The following PJA1 variants were observed in gnomAD, a reference collection of about 807,000 sequenced individuals.
The protein encoded by PJA1 is E3 ubiquitin-protein ligase Praja-1.
PJA1 carries 5 observed loss-of-function variants against 14.1 expected under a neutral mutation model. The observed-to-expected ratio is 0.35, with a 90% CI of 0.18 to 0.74. The LOEUF (loss-of-function observed/expected upper bound fraction) is 0.74. PJA1 is among the 30% of genes least tolerant of loss of function. The pLI is 0.56. For missense variants in PJA1, 394 were observed against 482.6 expected, an observed-to-expected ratio of 0.82 and a Z score of 1.72; for synonymous variants, 174 against 190.9, an observed-to-expected ratio of 0.91 and a Z score of 0.73.
chrX:69,163,176 T>A, intron 1 of PJA1, 36 bp from the exon 2 acceptor site: 1 of 1,210,951 alleles, frequency 8.3e-7, no homozygotes, highest in Non-Finnish European at 1.1e-6. Context: ...ACCTCCTACC[T>A]GTATTGGACT....
At position 69,163,007 on chromosome X, in the gene PJA1, TACG is replaced by T. The variant is rs1925125079; in HGVS notation, c.64_66del (p.Arg22del). The T allele has an allele frequency of 1.2e-5, 14 of 1,211,133 alleles. No individual in the cohort carries two copies. The highest frequency in any genetic ancestry group is 1.6e-5 in the Non-Finnish European group (14 of 895,466). On this transcript the variant is annotated inframe_deletion, in exon 2 of 2. Coordinates refer to ENST00000374571, the MANE Select transcript of PJA1 (RefSeq NM_001032396.4). ...CCCGAACTCTCGCTGTCGTCCCAAC[TACG>T]ACGAGTAGTGGAAAATGGCGATCGG... is the stretch of plus-strand genomic sequence containing the variant.
In PJA1 at chrX:69,161,315, G is replaced by A. The variant is rs1440498236; in HGVS notation, c.1759C>T (p.Pro587Ser). 1.7e-6 allele frequency: 2 copies of A among 1,172,152 alleles called. No homozygotes were observed. Among genetic ancestry groups the A allele is most frequent in the Admixed American group, 4.7e-5 (2 of 42,996 alleles). ...GTAAACGGCCTTGGTCTTTAGAGTG[G>A]GGGAGGGAACATGCAGCGGCACACG... Reference protein sequence around the residue: ...CPVCRCMFPPPL With the variant: ...CPVCRCMFPPSL Residue 587 changes from proline (P) to serine (S), a missense_variant, in exon 2 of 2, where the codon CCA becomes TCA. Around this residue, in one of 2 missense-constraint regions of PJA1, gnomAD observed 16 missense variants for 43.3 expected, o/e 0.37. Coordinates refer to ENST00000374571, the MANE Select transcript of PJA1 (RefSeq NM_001032396.4).
In PJA1 at chrX:69,161,340, G is replaced by A. The variant is rs771359993; in HGVS notation, c.1734C>T (p.Pro578=). 65 of 1,185,565 alleles carry A rather than the reference G, an allele frequency of 5.5e-5. No homozygotes were observed. Among genetic ancestry groups the A allele is most frequent in the Middle Eastern group, 4.7e-4 (2 of 4,268 alleles). ...GGGGAGGGAACATGCAGCGGCACAC[G>A]GGGCAGGTGCCTGACTTCTGAAGCC... ...SIWLQKSGTC[P]VCRCMFPPPL is the part of the protein sequence containing the mutation. Residue 578 remains proline (P), a synonymous_variant, in exon 2 of 2, where the codon CCC becomes CCT. Coordinates refer to ENST00000374571, the MANE Select transcript of PJA1 (RefSeq NM_001032396.4).
At chrX:69,163,720 C>T (rs1197293708) in intron 1 of PJA1, among the ~76,000 whole-genome samples, 6 of 111,116 alleles carry the variant, frequency 5.4e-5, no homozygotes, top group African/African-American at 9.9e-5. Context: ...TACAGATCGC[C>T]GTGTGTGCAC....
rs777378581 is a variant in PJA1, at chrX:69,161,727, G to A, written c.1347C>T (p.Ser449=). Reference sequence around the variant, plus strand: ...GGCTCCAATCCACTTCTAGGTCTTCGCTCACACTGGAGTCATCTTCAAGGT... The same window carrying A: ...GGCTCCAATCCACTTCTAGGTCTTCACTCACACTGGAGTCATCTTCAAGGT... ...NNNLEDDSSV[S]EDLEVDWSLF... is the part of the protein sequence containing the mutation. The change falls in exon 2 of 2, where the codon AGC becomes AGT. Residue 449 remains serine, a synonymous_variant. Transcript: ENST00000374571. The A allele has an allele frequency of 1.7e-6, 2 of 1,211,140 alleles. No individual in the cohort carries two copies. Among genetic ancestry groups the A allele is most frequent in the Admixed American group, 2.2e-5 (1 of 46,012 alleles).
chrX:69,162,434 C>G lies in PJA1; in HGVS notation c.640G>C (p.Val214Leu). The G allele has an allele frequency of 8.3e-7, 1 of 1,211,482 alleles. No homozygotes were observed. Among genetic ancestry groups the G allele is most frequent in the East Asian group, 3.0e-5 (1 of 33,828 alleles). ...KIRNLASPNC[V>L]KPKIFFDTDD... ...GTATCAAAAAAAATTTTTGGTTTCA[C>G]GCAGTTTGGACTTGCCAGGTTTCTG... The change falls in exon 2 of 2, where the codon GTG becomes CTG. Residue 214 changes from valine to leucine, a missense_variant. By Grantham distance (32) the Val-to-Leu change is conservative. This residue lies in a region of PJA1 where 378 missense variants were observed against 439.3 expected (regional missense o/e 0.86). Coordinates refer to ENST00000374571, the MANE Select transcript of PJA1 (RefSeq NM_001032396.4).
intron 1 of PJA1, among the ~76,000 whole-genome samples, chrX:69,164,122 A>G (rs761573675): frequency 7.0e-4 from 77 of 109,887 alleles, no homozygotes; most frequent in Non-Finnish European, 1.2e-3. Context: ...CAAATGCAGC[A>G]GGCACAAATG....
chrX:69,162,500 T>G lies in PJA1; in HGVS notation c.574A>C (p.Thr192Pro). 1 of 1,211,705 alleles carries G rather than the reference T, an allele frequency of 8.3e-7. No individual in the cohort carries two copies. Residue 192 changes from threonine to proline, a missense_variant, in exon 2 of 2, where the codon ACC (threonine) becomes CCC (proline). Physicochemically the swap from Thr to Pro is conservative, Grantham distance 38. Coordinates refer to ENST00000374571, the MANE Select transcript of PJA1 (RefSeq NM_001032396.4). Reference sequence around the variant, plus strand: ...ACAGGTTCCTCTGCACTCTTTGAGGTGTTTTCCCCACCACCACAAATACTC... The same window carrying G: ...ACAGGTTCCTCTGCACTCTTTGAGGGGTTTTCCCCACCACCACAAATACTC... Reference protein sequence around the residue: ...PVSICGGGENTSKSAEEPVVR... With the variant: ...PVSICGGGENPSKSAEEPVVR...
At chrX:69,165,299 C>A in intron 1 of PJA1, 73 bp downstream of exon 1, 1 of 113,926 alleles carries the variant, frequency 8.8e-6, no homozygotes, top group South Asian at 3.5e-4. Context: ...CCCGGCCACT[C>A]GCCCCGCGCC....
intron 1 of PJA1, among the ~76,000 whole-genome samples, chrX:69,164,748 TG>T (rs1367902583): frequency 0.037 from 94 of 2,527 alleles, no homozygotes; most frequent in African/African-American, 0.11. Context: ...ACACGGGGGG[TG>T]GGGGGTAGGG....
Position 69,161,227 on chromosome X carries a change from T to G in PJA1, c.*80A>C, listed in dbSNP as rs1204707511. 9.2e-7 allele frequency: 1 copy of G among 1,082,484 alleles called. No individual in the cohort carries two copies. The highest frequency in any genetic ancestry group is 3.3e-5 in the East Asian group (1 of 30,120). The allele number at this position is 1,082,484 out of a possible 1,213,427, so 89.2% of individuals were successfully genotyped here. A position where few individuals can be genotyped will look rare whatever the true frequency, so the allele number is the denominator to read the frequency against. On this transcript the variant is annotated 3_prime_UTR_variant, in exon 2 of 2. Coordinates refer to ENST00000374571, the MANE Select transcript of PJA1 (RefSeq NM_001032396.4). ...TGACTGATTGGTTTTATTTCCATTG[T>G]TAATTTCAAGAGGGCTCCTGCAGTA... is the stretch of plus-strand genomic sequence containing the variant.
rs144582693 is a variant in PJA1 at position 69,162,288 on chromosome X, G to C, written c.786C>G (p.Pro262=). 11 of 1,208,376 alleles carry C rather than the reference G, an allele frequency of 9.1e-6. No homozygotes were observed. The highest frequency in any genetic ancestry group is 5.3e-5 in the African/African-American group (3 of 56,711). The part of the protein sequence containing the change: ...RGRGESSSGY[P]EPKYPEDKRE... ...GTTTGTCTTCAGGGTACTTTGGCTC[G>C]GGATAGCCACTTGAACTCTCGCCTC... Residue 262 remains proline, a synonymous_variant, in exon 2 of 2, where the codon CCC becomes CCG. Coordinates refer to ENST00000374571, the MANE Select transcript of PJA1 (RefSeq NM_001032396.4).
rs1324623698 is a variant in PJA1, at chrX:69,161,965, G to A, written c.1109C>T (p.Ala370Val). The A allele has an allele frequency of 2.5e-6, 3 of 1,207,433 alleles. No individual in the cohort carries two copies. Among genetic ancestry groups the A allele is most frequent in the African/African-American group, 1.8e-5 (1 of 56,507 alleles). Residue 370 changes from alanine (A) to valine (V), a missense_variant, in exon 2 of 2, where the codon GCC becomes GTC. This residue lies in a region of PJA1 where 378 missense variants were observed against 439.3 expected (regional missense o/e 0.86). Coordinates refer to ENST00000374571, the MANE Select transcript of PJA1 (RefSeq NM_001032396.4). ...TSPGPGASASAGAGAGASAGS... is the reference protein window; with the variant it reads ...TSPGPGASASVGAGAGASAGS... ...AGCACTGGCCCCGGCGCCAGCCCCG[G>A]CACTGGCACTAGCACCGGGGCCAGG...
rs367777679 is a variant in PJA1 at position 69,161,952 on chromosome X, G to A, written c.1122C>T (p.Ala374=). 63 of 1,207,261 alleles carry A rather than the reference G, an allele frequency of 5.2e-5. No homozygotes were observed. The African/African-American group carries it at 8.7e-4, about 17-fold the overall frequency. The change falls in exon 2 of 2, where the codon GCC becomes GCT. Residue 374 remains alanine (A), a synonymous_variant. Transcript: ENST00000374571. ...PGASASAGAG[A]GASAGSNGSN... is the part of the protein sequence containing the mutation. ...TGCCATTGCTGCCAGCACTGGCCCC[G>A]GCGCCAGCCCCGGCACTGGCACTAG...
intron 1 of PJA1, among the ~76,000 whole-genome samples, chrX:69,164,988 A>C (rs183717470): frequency 0.011 from 1,268 of 111,827 alleles, 21 homozygotes; most frequent in African/African-American, 0.038. Flanking sequence ...ATGGGAAGAA[A>C]GGCCACGGAG....
chrX:69,163,016 T>A lies in PJA1; in HGVS notation c.58A>T (p.Thr20Ser). ...TKRSRSPFST[T>S]RRSWDDSESS... ...TCGCTGTCGTCCCAACTACGACGAG[T>A]AGTGGAAAATGGCGATCGGCTCCTC... is the stretch of plus-strand genomic sequence containing the variant. Residue 20 changes from threonine (T) to serine (S), a missense_variant, in exon 2 of 2, where the codon ACT (threonine) becomes TCT (serine). Thr to Ser is a moderately conservative substitution (Grantham distance 58, BLOSUM62 1). Transcript: ENST00000374571. The A allele has an allele frequency of 8.3e-7, 1 of 1,210,456 alleles. No individual in the cohort carries two copies. The highest frequency in any genetic ancestry group is 1.7e-5 in the African/African-American group (1 of 57,419).
At chrX:69,163,299 C>T in intron 1 of PJA1, 159 bp from the exon 2 acceptor site, 1 of 1,096,906 alleles carries the variant, frequency 9.1e-7, no homozygotes, top group Non-Finnish European at 1.2e-6. Flanking sequence ...CTCCTGCTCC[C>T]TGCACACGTT....
intron 1 of PJA1, among the ~76,000 whole-genome samples, chrX:69,164,014 A>G (rs1381244251): frequency 9.0e-6 from 1 of 110,557 alleles, no homozygotes; most frequent in Non-Finnish European, 1.9e-5. Context: ...TCACAGGCAG[A>G]GGAGTGTATG....
Position 69,163,154 on chromosome X carries a change from G to A in PJA1, c.-67-14C>T. The A allele has an allele frequency of 8.3e-7, 1 of 1,210,783 alleles. No individual in the cohort carries two copies. Among genetic ancestry groups the A allele is most frequent in the South Asian group, 1.8e-5 (1 of 56,861 alleles). ...GGTGGCCTGAAACTGACATAAGCATGCCTTCTTCCATACCTCCTACCTGTA... is the reference window on the plus strand; with the variant it reads ...GGTGGCCTGAAACTGACATAAGCATACCTTCTTCCATACCTCCTACCTGTA... On this transcript the variant is annotated splice_polypyrimidine_tract_variant and intron_variant, in intron 1 of 1. Transcript: ENST00000374571.
Sources: allele counts gnomAD v4.1 joint callset (sites outside exome capture counted in the v4.1 genomes callset), GRCh38; gene constraint gnomAD v4.1.1; regional missense constraint gnomAD v4.1.1; transcripts MANE v1.5; gene names NCBI Gene and HGNC (gene_info 2026-07-23, HGNC 2026-07-21).